The following LRP1B variants were observed in gnomAD, a reference collection of about 807,000 sequenced individuals.
LRP1B encodes the protein LDL receptor related protein 1B, also known as low-density lipoprotein receptor-related protein 1B.
LRP1B carries 217 observed loss-of-function variants against 556.6 expected under a neutral mutation model. That is an observed-to-expected ratio of 0.39 (90% CI 0.35 to 0.44). The LOEUF (loss-of-function observed/expected upper bound fraction) is 0.44, where lower values mean the gene tolerates loss of function less well. LRP1B is among the 20% of genes least tolerant of loss of function. The pLI is 1.00. For synonymous variants in LRP1B, 2,047 were observed against 1,865.8 expected, an observed-to-expected ratio of 1.10 and a Z score of -2.50; for missense variants, 5,053 against 5,620.8, an observed-to-expected ratio of 0.90 and a Z score of 3.23.
chr2:141,242,521 C>T (rs1411359130), intron 5 of LRP1B, among the ~76,000 whole-genome samples: 1 of 152,016 alleles, frequency 6.6e-6, no homozygotes, highest in Non-Finnish European at 1.5e-5. Context: ...AACTAAGAGT[C>T]TCATTGCCTC....
chr2:141,095,083 GCT>G (rs1305246151), intron 7 of LRP1B, among the ~76,000 whole-genome samples: 6 of 152,086 alleles, frequency 3.9e-5, no homozygotes, highest in African/African-American at 9.7e-5. Context: ...TTTTACAATT[GCT>G]CTCTCTGTGC....
At chr2:140,926,940 A>T (rs1237584758) in intron 20 of LRP1B, among the ~76,000 whole-genome samples, 8 of 152,088 alleles carry the variant, frequency 5.3e-5, no homozygotes, top group Admixed American at 5.2e-4. Flanking sequence ...CATTTTGCTT[A>T]TGCTTTATAT....
In LRP1B at chr2:140,274,416, C is replaced by A; in HGVS notation, c.13142+8G>T. On this transcript the variant is annotated splice_region_variant and intron_variant, in intron 85 of 90. Transcript: ENST00000389484. Reference sequence around the variant, plus strand: ...TGCTTTTATAAATTAAGCTGGGTGTCCACTTACTTGCAAAATATATCTTCA... The same window carrying A: ...TGCTTTTATAAATTAAGCTGGGTGTACACTTACTTGCAAAATATATCTTCA... 1 of 1,611,308 alleles carries A rather than the reference C, an allele frequency of 6.2e-7. No individual in the cohort carries two copies. The highest frequency in any genetic ancestry group is 8.5e-7 in the Non-Finnish European group (1 of 1,178,122).
intron 1 of LRP1B, among the ~76,000 whole-genome samples, chr2:141,891,183 A>C (rs1383700748): frequency 6.6e-6 from 1 of 152,136 alleles, no homozygotes; most frequent in African/African-American, 2.4e-5. Context: ...AGAAAATAGA[A>C]GGCATAACCA....
intron 3 of LRP1B, among the ~76,000 whole-genome samples, chr2:141,285,278 A>G (rs1458682460): frequency 6.6e-6 from 1 of 150,670 alleles, no homozygotes; most frequent in Non-Finnish European, 1.5e-5. Flanking sequence ...TAGTAGAGAC[A>G]GGGTTTCACT....
At chr2:140,571,904 C>T (rs950310585) in intron 43 of LRP1B, among the ~76,000 whole-genome samples, 3 of 151,522 alleles carry the variant, frequency 2.0e-5, no homozygotes, top group Non-Finnish European at 4.4e-5. Flanking sequence ...TGGGGATAGT[C>T]CCCTCAATAA....
intron 62 of LRP1B, among the ~76,000 whole-genome samples, chr2:140,455,886 CT>C (rs1419173238): frequency 6.6e-6 from 1 of 152,128 alleles, no homozygotes; most frequent in Non-Finnish European, 1.5e-5. Flanking sequence ...TGTCATATGA[CT>C]ATTGTCCAAA....
intron 1 of LRP1B, among the ~76,000 whole-genome samples, chr2:141,865,827 TG>T (rs1427650129): frequency 6.6e-6 from 1 of 152,214 alleles, no homozygotes; most frequent in African/African-American, 2.4e-5. Context: ...AAGGTCATGC[TG>T]GAAGGATGTG....
At chr2:141,954,219 G>A (rs1432409223) in intron 1 of LRP1B, among the ~76,000 whole-genome samples, 1 of 151,992 alleles carries the variant, frequency 6.6e-6, no homozygotes, top group African/African-American at 2.4e-5. Flanking sequence ...CTATAGAAAT[G>A]GCCTTACCAG....
chr2:140,310,742 C>T (rs1031270863), intron 83 of LRP1B, among the ~76,000 whole-genome samples: 2 of 151,606 alleles, frequency 1.3e-5, no homozygotes, highest in Non-Finnish European at 3.0e-5. Flanking sequence ...TATACAAAAA[C>T]AAACTCAAGT....
intron 35 of LRP1B, among the ~76,000 whole-genome samples, chr2:140,740,208 T>A (rs926741552): frequency 2.0e-5 from 3 of 151,946 alleles, no homozygotes; most frequent in Admixed American, 6.6e-5. Flanking sequence ...TAAAAAGAGA[T>A]CATACTGATG....
chr2:140,666,169 ATT>A (rs1685262923), intron 41 of LRP1B, among the ~76,000 whole-genome samples: 1 of 151,616 alleles, frequency 6.6e-6, no homozygotes, highest in South Asian at 2.1e-4. Flanking sequence ...AATTTTTTGT[ATT>A]TTTAGTAGAG....
intron 35 of LRP1B, among the ~76,000 whole-genome samples, chr2:140,745,764 C>T (rs1244003613): frequency 2.0e-5 from 3 of 152,020 alleles, no homozygotes; most frequent in East Asian, 3.9e-4. Flanking sequence ...AAAAAACAGT[C>T]CCTGACCCAC....
At chr2:141,865,077 A>C (rs1333607943) in intron 1 of LRP1B, among the ~76,000 whole-genome samples, 1 of 152,134 alleles carries the variant, frequency 6.6e-6, no homozygotes, top group Admixed American at 6.5e-5. Context: ...ATTAAATGCT[A>C]CCCTTCCACC....
At chr2:141,944,348 A>T (rs763917825) in intron 1 of LRP1B, among the ~76,000 whole-genome samples, 54 of 152,152 alleles carry the variant, frequency 3.5e-4, no homozygotes, top group Non-Finnish European at 1.5e-4. Flanking sequence ...TAACCTCTTA[A>T]ATGTGAAAGT....
At chr2:141,260,805 A>C (rs1431901565) in intron 3 of LRP1B, among the ~76,000 whole-genome samples, 1 of 152,216 alleles carries the variant, frequency 6.6e-6, no homozygotes, top group African/African-American at 2.4e-5. Context: ...TTGGAAATAC[A>C]GAATGGTATA....
intron 2 of LRP1B, among the ~76,000 whole-genome samples, chr2:141,510,372 G>C (rs1483245265): frequency 2.0e-5 from 3 of 151,920 alleles, no homozygotes; most frequent in African/African-American, 7.2e-5. Context: ...TCTCTCAAAA[G>C]AAAGAATTTC....
intron 3 of LRP1B, among the ~76,000 whole-genome samples, chr2:141,349,080 C>T (rs902820763): frequency 1.1e-4 from 17 of 152,042 alleles, no homozygotes; most frequent in Non-Finnish European, 2.5e-4. Context: ...TCTTTATCAA[C>T]AGTGTGAAAA....
intron 1 of LRP1B, among the ~76,000 whole-genome samples, chr2:141,966,713 T>C (rs1043958933): frequency 5.3e-5 from 8 of 151,714 alleles, no homozygotes; most frequent in African/African-American, 1.7e-4. Flanking sequence ...TCAGTACAAA[T>C]GGTTGAAGGC....
Sources: allele counts gnomAD v4.1 joint callset (sites outside exome capture counted in the v4.1 genomes callset), GRCh38; gene constraint gnomAD v4.1.1; transcripts MANE v1.5; gene names NCBI Gene and HGNC (gene_info 2026-07-23, HGNC 2026-07-21).